Variants in BAG6 observed in about 807,000 individuals in gnomAD.
BAG6 encodes the protein BAG cochaperone 6.
BAG6 carries 22 observed loss-of-function variants against 121.0 expected under a neutral mutation model. The ratio of observed to expected loss-of-function variants is 0.18; its 90% CI spans 0.13 to 0.26. The LOEUF (loss-of-function observed/expected upper bound fraction) is 0.26. Ranked by LOEUF, BAG6 falls within the 10% of genes least tolerant of loss-of-function variation. The pLI is 1.00. For missense variants in BAG6, 1,233 were observed against 1,537.7 expected (o/e 0.80, Z 3.31); for synonymous variants, 583 against 584.6 (o/e 1.00, Z 0.04).
At position 31,643,079 on chromosome 6, in the gene BAG6, G is replaced by C. The variant is rs1337311075; in HGVS notation, c.1793C>G (p.Pro598Arg). ...GCCAGCACTGGCAGAAGCAGTGGCAGGGGCTGGCGGTGGAGCCATACCTGG... is the reference window on the plus strand; with the variant it reads ...GCCAGCACTGGCAGAAGCAGTGGCACGGGCTGGCGGTGGAGCCATACCTGG... ...GTPGMAPPPA[P>R]ATASASAGTT... The change falls in exon 15 of 26, where the codon CCT (proline) becomes CGT (arginine). Residue 598 changes from proline (P) to arginine (R), a missense_variant. Pro to Arg is a moderately radical substitution (Grantham distance 103). Transcript: ENST00000676615. 1 of 1,584,984 alleles carries C rather than the reference G, an allele frequency of 6.3e-7. No homozygotes were observed. The highest frequency in any genetic ancestry group is 1.1e-5 in the South Asian group (1 of 87,284).
Position 31,639,622 on chromosome 6 carries a change from G to C in BAG6, c.3271C>G (p.Leu1091Val), listed in dbSNP as rs751225360. The change falls in exon 25 of 26, where the codon CTG becomes GTG. Residue 1091 changes from leucine to valine, a missense_variant. Physicochemically the swap from Leu to Val is conservative, Grantham distance 32. Coordinates refer to ENST00000676615, the MANE Select transcript of BAG6 (RefSeq NM_001387994.1). The stretch of plus-strand genomic sequence containing the variant: ...CGGCTCACAGCCTCTGAGAGAAGCA[G>C]CTGGGGGCCCTCACCCTGCATCGTC... ...RKTMQGEGPQ[L>V]LLSEAVSRAA... 3 of 1,612,960 alleles carry C rather than the reference G, an allele frequency of 1.9e-6. No homozygotes were observed. The African/African-American group carries it at 4.0e-5, about 22-fold the overall frequency.
At chr6:31,647,556 T>C in intron 7 of BAG6, 35 bp downstream of exon 7, 1 of 1,607,274 alleles carries the variant, frequency 6.2e-7, no homozygotes, top group Non-Finnish European at 8.5e-7. Flanking sequence ...TCACTTAGGA[T>C]TCCCCACCCA....
At position 31,644,468 on chromosome 6, in the gene BAG6, T is replaced by A. The variant is rs71563359; in HGVS notation, c.1448-54A>T. 17,912 of 1,573,358 alleles carry A rather than the reference T, an allele frequency of 0.011. 177 individuals are homozygous for A. The highest frequency in any genetic ancestry group is 0.037 in the South Asian group (3,177 of 84,820). On this transcript the variant is annotated intron_variant, in intron 11 of 25. Transcript: ENST00000676615. This position sits in a 1 kb window ranked among gnomAD's most constrained non-coding sequence, Gnocchi z 4.9. ...ACCTGGACCCCTTCAACCCACCCAC[T>A]CAGCCCTTCCCTTTCTCTACCCAGA...
Position 31,642,260 on chromosome 6 carries a change from C to G in BAG6, c.2187G>C (p.Glu729Asp), listed in dbSNP as rs1783551514. The change falls in exon 16 of 26, where the codon GAG (glutamate) becomes GAC (aspartate). Residue 729 changes from glutamate (E) to aspartate (D), a missense_variant. Glu to Asp is a conservative substitution (Grantham distance 45). Transcript: ENST00000676615. ...CACCCTGCACCACTGAGGTAAAAAA[C>G]TCCGGTGACAGGCTCTCAAGACCCA... ...GGLGLESLSPEFFTSVVQGVL... is the reference protein window; with the variant it reads ...GGLGLESLSPDFFTSVVQGVL... 2 of 1,611,256 alleles carry G rather than the reference C, an allele frequency of 1.2e-6. No homozygotes were observed. The highest frequency in any genetic ancestry group is 1.7e-5 in the Admixed American group (1 of 59,638).
Position 31,647,625 on chromosome 6 carries a change from C to A in BAG6, c.754G>T (p.Gly252Cys), listed in dbSNP as rs1791253946. 2 of 1,607,272 alleles carry A rather than the reference C, an allele frequency of 1.2e-6. No individual in the cohort carries two copies. The highest frequency in any genetic ancestry group is 2.7e-5 in the African/African-American group (2 of 74,528). Residue 252 changes from glycine (G) to cysteine (C), a missense_variant, in exon 7 of 26, where the codon GGC becomes TGC. Around this residue, in one of 7 missense-constraint regions of BAG6, gnomAD observed 777 missense variants for 861.4 expected, o/e 0.90. Transcript: ENST00000676615. ...PELTPGPAPAGPTPAPETNAP... is the reference protein window; with the variant it reads ...PELTPGPAPACPTPAPETNAP... ...TTTGTTTCCGGGGCAGGTGTTGGGC[C>A]CGCTGGGGCTGGGCCAGGAGTGAGC... is the stretch of plus-strand genomic sequence containing the variant.
In BAG6 at chr6:31,639,655, CA is replaced by C. The variant is rs1561870482; in HGVS notation, c.3247-10del. On this transcript the variant is annotated splice_polypyrimidine_tract_variant and intron_variant, in intron 24 of 25. Coordinates refer to ENST00000676615, the MANE Select transcript of BAG6 (RefSeq NM_001387994.1). ...CCCTCACCCTGCATCGTCTGGGGGA[CA>C]GGGGGTTGGGAGGGAAAAGAGGATC... The C allele has an allele frequency of 1.2e-6, 2 of 1,602,172 alleles. No homozygotes were observed. Among genetic ancestry groups the C allele is most frequent in the African/African-American group, 1.3e-5 (1 of 74,642 alleles).
At chr6:31,649,171 A>C in intron 4 of BAG6, 28 bp downstream of exon 4, 1 of 1,611,096 alleles carries the variant, frequency 6.2e-7, no homozygotes, top group African/African-American at 1.3e-5. Flanking sequence ...TACCCACAAA[A>C]GCCCTCCCCT....
At position 31,642,983 on chromosome 6, in the gene BAG6, G is replaced by T; in HGVS notation, c.1889C>A (p.Pro630His). 6.3e-7 allele frequency: 1 copy of T among 1,599,082 alleles called. No homozygotes were observed. Among genetic ancestry groups the T allele is most frequent in the Non-Finnish European group, 8.5e-7 (1 of 1,173,586 alleles). Residue 630 changes from proline to histidine, a missense_variant, in exon 15 of 26, where the codon CCC becomes CAC. This residue lies in a region of BAG6 where 777 missense variants were observed against 861.4 expected (regional missense o/e 0.90). Transcript: ENST00000676615. ...AGAGAACTGAAGATCAGCCATGGAG[G>T]GTTGAGGGGTGGGTGGAGGCTGGGC... is the stretch of plus-strand genomic sequence containing the variant. ...GPAQPPPTPQ[P>H]SMADLQFSQL...
Position 31,640,195 on chromosome 6 carries a change from C to T in BAG6, c.3246+4G>A. The stretch of plus-strand genomic sequence containing the variant: ...AGAGAGGCTTAGGGAAGAGGAAAAC[C>T]AACCTTGCGTCTCTTGGCAGGCATA... On this transcript the variant is annotated splice_donor_region_variant and intron_variant, in intron 24 of 25. Transcript: ENST00000676615. This position sits in a 1 kb window ranked among gnomAD's most constrained non-coding sequence, Gnocchi z 4.2. 1 of 1,613,980 alleles carries T rather than the reference C, an allele frequency of 6.2e-7. No homozygotes were observed.
At position 31,641,811 on chromosome 6, in the gene BAG6, G is replaced by T. The variant is rs766977891; in HGVS notation, c.2470C>A (p.Leu824Met). The T allele has an allele frequency of 1.2e-6, 2 of 1,613,014 alleles. No homozygotes were observed. Among genetic ancestry groups the T allele is most frequent in the African/African-American group, 2.7e-5 (2 of 74,930 alleles). The change falls in exon 17 of 26, where the codon CTG (leucine) becomes ATG (methionine). Residue 824 changes from leucine (L) to methionine (M), a missense_variant. Leu to Met is a conservative substitution (Grantham distance 15, BLOSUM62 2). Transcript: ENST00000676615. This position sits in a 1 kb window ranked among gnomAD's most constrained non-coding sequence, Gnocchi z 5.7. ...CTGGGTGTGGGCTCCTGACCACCCA[G>T]GTAGTGCTGGTGGAAGAAGGATCGC... The part of the protein sequence containing the change: ...QLRSFFHQHY[L>M]GGQEPTPSNI...
Position 31,649,550 on chromosome 6 carries a change from C to G in BAG6, c.186G>C (p.Gln62His). 1 of 1,614,198 alleles carries G rather than the reference C, an allele frequency of 6.2e-7. No homozygotes were observed. The highest frequency in any genetic ancestry group is 8.5e-7 in the Non-Finnish European group (1 of 1,180,040). Residue 62 changes from glutamine (Q) to histidine (H), a missense_variant, in exon 3 of 26, where the codon CAG (glutamine) becomes CAC (histidine). Gln to His is a conservative substitution (Grantham distance 24). Coordinates refer to ENST00000676615, the MANE Select transcript of BAG6 (RefSeq NM_001387994.1). The stretch of plus-strand genomic sequence containing the variant: ...TCTTATCATCTTGCAGAACTCGTCC[C>G]TGGTAAATGAGCCGTTGTTTTTCAG... ...IPSEKQRLIY[Q>H]GRVLQDDKKL... is the part of the protein sequence containing the mutation.
chr6:31,650,810 A>G (rs1338316439), intron 2 of BAG6, among the ~76,000 whole-genome samples: 2 of 152,228 alleles, frequency 1.3e-5, no homozygotes, highest in Non-Finnish European at 2.9e-5. Flanking sequence ...TTAGAAAACC[A>G]TGGACCACCC....
In BAG6 at chr6:31,640,104, A is replaced by G. The variant is rs1435332268; in HGVS notation, c.3246+95T>C. ...ATTAAACGAGGGGAGGGGAGACTGA[A>G]TAACAAGAGCTCCCACCATCTCTAC... On this transcript the variant is annotated intron_variant, in intron 24 of 25. Coordinates refer to ENST00000676615, the MANE Select transcript of BAG6 (RefSeq NM_001387994.1). This position sits in a 1 kb window ranked among gnomAD's most constrained non-coding sequence, Gnocchi z 4.2. The G allele has an allele frequency of 1.1e-5, 14 of 1,277,054 alleles. No individual in the cohort carries two copies. The highest frequency in any genetic ancestry group is 1.6e-5 in the Non-Finnish European group (14 of 895,916). 79.1% of individuals were successfully genotyped at this position (1,277,054 alleles called of 1,614,324 possible).
chr6:31,640,697 G>A lies in BAG6; in HGVS notation c.2942C>T (p.Pro981Leu), dbSNP rs750589900. Residue 981 changes from proline to leucine, a missense_variant, in exon 22 of 26, where the codon CCT (proline) becomes CTT (leucine). Transcript: ENST00000676615. This position sits in a 1 kb window ranked among gnomAD's most constrained non-coding sequence, Gnocchi z 4.2. Reference sequence around the variant, plus strand: ...TCCCTGAACTTCCATTGGCTCCTCAGGAAGTGGCTGTGAAATTAAAGAACA... The same window carrying A: ...TCCCTGAACTTCCATTGGCTCCTCAAGAAGTGGCTGTGAAATTAAAGAACA... The part of the protein sequence containing the change: ...RRVGDPPQPL[P>L]EEPMEVQGAE... 6.2e-7 allele frequency: 1 copy of A among 1,612,852 alleles called. No homozygotes were observed. Among genetic ancestry groups the A allele is most frequent in the African/African-American group, 1.3e-5 (1 of 74,872 alleles).
At chr6:31,645,660 T>G in intron 8 of BAG6, 56 bp from the exon 9 acceptor site, 1 of 1,582,896 alleles carries the variant, frequency 6.3e-7, no homozygotes, top group East Asian at 2.3e-5. Flanking sequence ...GGAGTCCATC[T>G]CACTAATAAA....
Position 31,640,160 on chromosome 6 carries a change from C to G in BAG6, c.3246+39G>C. On this transcript the variant is annotated intron_variant, in intron 24 of 25. Transcript: ENST00000676615. This position sits in a 1 kb window ranked among gnomAD's most constrained non-coding sequence, Gnocchi z 4.2. ...TTGATTCCAGGCATGACGGGGAAAC[C>G]TGGATAGAGAGAGAGGCTTAGGGAA... The G allele has an allele frequency of 6.3e-7, 1 of 1,594,756 alleles. No homozygotes were observed. Among genetic ancestry groups the G allele is most frequent in the African/African-American group, 1.3e-5 (1 of 74,500 alleles).
In BAG6 at chr6:31,648,922, C is replaced by G. The variant is rs144201370; in HGVS notation, c.466G>C (p.Ala156Pro). 7.6e-5 allele frequency: 116 copies of G among 1,536,148 alleles called. No individual in the cohort carries two copies. The African/African-American group carries it at 1.0e-3, about 14-fold the overall frequency. ...AGGCCCCTCAATACCTGAATCGGGG[C>G]CTGTTCCATGTTGATGTGAACATCC... Reference protein sequence around the residue: ...AVDVHINMEQAPIQSEPRVRL... With the variant: ...AVDVHINMEQPPIQSEPRVRL... The change falls in exon 5 of 26, where the codon GCC becomes CCC. Residue 156 changes from alanine (A) to proline (P), a missense_variant. Transcript: ENST00000676615.
rs200090506 is a variant in BAG6, at chr6:31,639,162, T to C, written c.3458A>G (p.Asn1153Ser). The change falls in exon 26 of 26, where the codon AAT (asparagine) becomes AGT (serine). Residue 1153 changes from asparagine to serine, a missense_variant. Transcript: ENST00000676615. Reference sequence around the variant, plus strand: ...ATCATCAGCAAAGGCCCGCTGGGCATTGGGGAAGCGCTGGGGACTGTAGTT... The same window carrying C: ...ATCATCAGCAAAGGCCCGCTGGGCACTGGGGAAGCGCTGGGGACTGTAGTT... ...DPNYSPQRFP[N>S]AQRAFADDP is the part of the protein sequence containing the mutation. 144 of 1,613,852 alleles carry C rather than the reference T, an allele frequency of 8.9e-5. No individual in the cohort carries two copies. The highest frequency in any genetic ancestry group is 1.6e-4 in the Middle Eastern group (1 of 6,078).
In BAG6 at chr6:31,644,362, G is replaced by C; in HGVS notation, c.1500C>G (p.Val500=). Residue 500 remains valine, a synonymous_variant, in exon 12 of 26, where the codon GTC becomes GTG. Transcript: ENST00000676615. The surrounding 1 kb of genome is among the most constrained non-coding windows in gnomAD (Gnocchi z 4.9). ...PSLPPEFMHA[V]AHQITHQAMV... ...TGGCCTGATGAGTGATCTGGTGGGC[G>C]ACGGCGTGCATGAACTCAGGGGGCA... 2 of 1,551,478 alleles carry C rather than the reference G, an allele frequency of 1.3e-6. No individual in the cohort carries two copies. Among genetic ancestry groups the C allele is most frequent in the Non-Finnish European group, 1.7e-6 (2 of 1,147,224 alleles).
Sources: gnomAD v4.1 joint callset for allele counts (sites outside exome capture counted in the v4.1 genomes callset) on GRCh38, gnomAD v4.1.1 for gene constraint, gnomAD v4.1.1 regional missense constraint, Gnocchi (gnomAD v3.1) non-coding constraint, MANE v1.5 for transcripts, NCBI Gene and HGNC (gene_info 2026-07-23, HGNC 2026-07-21) for gene names.